Variants in ZNF248 observed in about 807,000 individuals in gnomAD.
ZNF248 encodes the protein KRAB protein domain.
A neutral mutation model predicts 44.3 loss-of-function variants in ZNF248; 20 were observed. The ratio of observed to expected loss-of-function variants is 0.45; its 90% confidence interval spans 0.32 to 0.66. The LOEUF (loss-of-function observed/expected upper bound fraction) is 0.66, where lower values mean the gene tolerates loss of function less well. Ranked by LOEUF, ZNF248 falls within the 30% of genes least tolerant of loss-of-function variation. The probability of loss-of-function intolerance (pLI) is 0.04; values close to 1 mark genes in which losing one functional copy is unlikely to be tolerated. For missense variants in ZNF248, 654 were observed against 677.0 expected, an observed-to-expected ratio of 0.97 and a Z score of 0.38; for synonymous variants, 224 against 229.0, an observed-to-expected ratio of 0.98 and a Z score of 0.20.
At chr10:37,806,802 T>C (rs2050629578) in intron 6 of ZNF248, among the ~76,000 whole-genome samples, 1 of 152,238 alleles carries the variant, frequency 6.6e-6, no homozygotes, top group South Asian at 2.1e-4. Flanking sequence ...TGGTGTCATA[T>C]CCAAGAAATC....
chr10:37,776,403 G>A, downstream of ZNF248: 1 of 387,414 alleles, frequency 2.6e-6, no homozygotes, highest in East Asian at 3.7e-5. Context: ...AATTACTTCA[G>A]GCTGTGCAAA....
the ZNF248 span, among the ~76,000 whole-genome samples, chr10:37,769,849 G>A: frequency 3.3e-5 from 5 of 152,228 alleles, no homozygotes; most frequent in Non-Finnish European, 4.4e-5. Context: ...GTTTGCAGAC[G>A]ACATGATTGT....
At chr10:37,820,120 C>T in intron 6 of ZNF248, 1 of 974,592 alleles carries the variant, frequency 1.0e-6, no homozygotes, top group Non-Finnish European at 1.7e-6. Context: ...TGTCAAATCA[C>T]AGTTGGCTCT....
At position 37,814,077 on chromosome 10, in the gene ZNF248, A is replaced by G. The variant is rs116306156; in HGVS notation, c.330+18948T>C. On this transcript the variant is annotated intron_variant, in intron 6 of 6. Coordinates refer to the ZNF248 transcript ENST00000615949. ...TGCGCTTTTGTTTTCTATGTCTTAC[A>G]GCATTTTTGTCCCTCATTTCCTGAA... 6.3e-3 allele frequency among the ~76,000 whole-genome samples: 961 copies of G among 152,262 alleles called. 10 individuals are homozygous for G. The highest frequency in any genetic ancestry group is 0.022 in the African/African-American group (920 of 41,560).
At chr10:37,824,773 T>G (rs1015080054), downstream of ZNF248, among the ~76,000 whole-genome samples, 5 of 130,964 alleles carry the variant, frequency 3.8e-5, no homozygotes, top group South Asian at 1.1e-3. Flanking sequence ...GCTCCACCTC[T>G]CCGGTTCACA....
At position 37,819,813 on chromosome 10, in the gene ZNF248, G is replaced by A. The variant is rs1416354931; in HGVS notation, c.330+13212C>T. ...GCAGGAGGGTCCTGACCCATGGCAG[G>A]AGGTTTCCGCTTTGCTAACATTTTC... On this transcript the variant is annotated intron_variant, in intron 6 of 6. Transcript: ENST00000615949. 8 of 787,082 alleles carry A rather than the reference G, an allele frequency of 1.0e-5. No individual in the cohort carries two copies. The Admixed American group carries it at 1.0e-4, about 10-fold the overall frequency. 48.8% of individuals were successfully genotyped at this position (787,082 alleles called of 1,614,324 possible). A position where few individuals can be genotyped will look rare whatever the true frequency, so the allele number is the denominator to read the frequency against.
intron 6 of ZNF248, among the ~76,000 whole-genome samples, chr10:37,794,088 CA>C (rs2048867535): frequency 6.6e-6 from 1 of 152,086 alleles, no homozygotes; most frequent in African/African-American, 2.4e-5. Context: ...TGCATTTCAT[CA>C]GTTCTCTCAT....
chr10:37,829,765 G>A lies in ZNF248; in HGVS notation c.*1850C>T, dbSNP rs2055124151. 4 of 985,330 alleles carry A rather than the reference G, an allele frequency of 4.1e-6. No individual in the cohort carries two copies. Among genetic ancestry groups the A allele is most frequent in the Non-Finnish European group, 4.8e-6 (4 of 829,918 alleles). 61.0% of individuals were successfully genotyped at this position (985,330 alleles called of 1,614,324 possible). A position where few individuals can be genotyped will look rare whatever the true frequency, so the allele number is the denominator to read the frequency against. ...CCAGCAGAGTCTCTTCTCATGTCAT[G>A]ACAATGTTGTATCAAGGAGATCTTT... is the stretch of plus-strand genomic sequence containing the variant. On this transcript the variant is annotated 3_prime_UTR_variant, in exon 6 of 6. Transcript: ENST00000395867.
downstream of ZNF248, among the ~76,000 whole-genome samples, chr10:37,771,668 A>G (rs1319645516): frequency 6.6e-6 from 1 of 151,884 alleles, no homozygotes; most frequent in Non-Finnish European, 1.5e-5. Context: ...AGATATATCT[A>G]ATGCTAAATG....
Position 37,831,180 on chromosome 10 carries a change from A to G in ZNF248, c.*435T>C, listed in dbSNP as rs1019630993. 2.0e-6 allele frequency: 3 copies of G among 1,533,822 alleles called. No homozygotes were observed. In the African/African-American group the frequency reaches 4.1e-5, roughly 21 times the overall value. ...GTATCTTCTCCTTATGATCATGTTGAGTTCCAATATACAAATCAAGCATAC... is the reference window on the plus strand; with the variant it reads ...GTATCTTCTCCTTATGATCATGTTGGGTTCCAATATACAAATCAAGCATAC... On this transcript the variant is annotated 3_prime_UTR_variant, in exon 6 of 6. Transcript: ENST00000395867.
At chr10:37,785,451 T>C (rs1244855813) in intron 6 of ZNF248, among the ~76,000 whole-genome samples, 28 of 152,138 alleles carry the variant, frequency 1.8e-4, no homozygotes, top group Admixed American at 1.8e-3. Flanking sequence ...ACAAAAATGG[T>C]GCATTGGGAA....
chr10:37,843,381 C>A (rs1427001213), intron 3 of ZNF248, among the ~76,000 whole-genome samples: 1 of 149,202 alleles, frequency 6.7e-6, no homozygotes, highest in Non-Finnish European at 1.5e-5. Flanking sequence ...GCCGAGATTG[C>A]ACCGCTGCAC....
intron 5 of ZNF248, among the ~76,000 whole-genome samples, chr10:37,835,414 G>A (rs899885648): frequency 1.3e-5 from 2 of 152,160 alleles, no homozygotes; most frequent in African/African-American, 4.8e-5. Flanking sequence ...AGGCTCTCTG[G>A]TTTTTGTGTA....
the ZNF248 span, among the ~76,000 whole-genome samples, chr10:37,770,617 T>C: frequency 6.6e-6 from 1 of 152,070 alleles, no homozygotes; most frequent in African/African-American, 2.4e-5. Flanking sequence ...ATACAAAAAT[T>C]AATTCAAGAT....
At chr10:37,792,657 T>C (rs1001334797) in intron 6 of ZNF248, among the ~76,000 whole-genome samples, 1 of 152,210 alleles carries the variant, frequency 6.6e-6, no homozygotes, top group Non-Finnish European at 1.5e-5. Context: ...ATGATGCAAT[T>C]AGGGTACCTA....
At chr10:37,761,773 C>T in the ZNF248 span, among the ~76,000 whole-genome samples, 1 of 152,308 alleles carries the variant, frequency 6.6e-6, no homozygotes, top group South Asian at 2.1e-4. Context: ...AAAAAGGTTG[C>T]CTGAGTTGGT....
intron 6 of ZNF248, among the ~76,000 whole-genome samples, chr10:37,780,792 C>T (rs1174708714): frequency 4.6e-5 from 7 of 152,280 alleles, no homozygotes; most frequent in African/African-American, 1.7e-4. Flanking sequence ...CCCCGAGCCG[C>T]GCGGGACCCT....
chr10:37,803,712 T>G (rs2133248730), intron 6 of ZNF248: 1 of 152,556 alleles, frequency 6.6e-6, no homozygotes, highest in South Asian at 2.1e-4. Context: ...GGGGACAAAG[T>G]AAATTTAGTT....
At chr10:37,793,782 T>A (rs527591209) in intron 6 of ZNF248, among the ~76,000 whole-genome samples, 1 of 152,220 alleles carries the variant, frequency 6.6e-6, no homozygotes, top group Non-Finnish European at 1.5e-5. Context: ...CTTTTCCGTG[T>A]ATATATGCGT....
Sources: allele counts gnomAD v4.1 joint callset (sites outside exome capture counted in the v4.1 genomes callset), GRCh38; gene constraint gnomAD v4.1.1; transcripts MANE v1.5; gene names NCBI Gene and HGNC (gene_info 2026-07-23, HGNC 2026-07-21).